The following FAM135B variants were observed in gnomAD, a reference collection of about 807,000 sequenced individuals.
FAM135B encodes family with sequence similarity 135 member B, also known as protein FAM135B.
In FAM135B, 43 loss-of-function variants were observed where a neutral mutation model predicts 127.7. The ratio of observed to expected loss-of-function variants is 0.34; its 90% CI spans 0.26 to 0.43. The LOEUF is 0.43. Among genes scored for constraint, FAM135B ranks in the 20% least tolerant of loss-of-function variants. The probability of loss-of-function intolerance (pLI) is 1.00; values close to 1 mark genes in which losing one functional copy is unlikely to be tolerated. For missense variants in FAM135B, 1,558 were observed against 1,725.6 expected, an observed-to-expected ratio of 0.90 and a Z score of 1.72; for synonymous variants, 670 against 665.1, an observed-to-expected ratio of 1.01 and a Z score of -0.11.
chr8:138,402,780 T>A (rs1833223957), intron 1 of FAM135B, among the ~76,000 whole-genome samples: 1 of 152,184 alleles, frequency 6.6e-6, no homozygotes. Flanking sequence ...AATTAGAATT[T>A]GTGAGGAAAT....
chr8:138,345,052 G>A (rs1182121510), intron 2 of FAM135B, among the ~76,000 whole-genome samples: 1 of 152,218 alleles, frequency 6.6e-6, no homozygotes, highest in Non-Finnish European at 1.5e-5. Context: ...ATCCAGCACT[G>A]TGTCAGCAAT....
At chr8:138,453,093 A>G (rs1421463221) in intron 1 of FAM135B, among the ~76,000 whole-genome samples, 1 of 152,182 alleles carries the variant, frequency 6.6e-6, no homozygotes, top group Non-Finnish European at 1.5e-5. Flanking sequence ...GCATCTCAGC[A>G]GCCGGACAGC....
At chr8:138,330,014 C>A (rs572524708) in intron 2 of FAM135B, among the ~76,000 whole-genome samples, 22 of 152,202 alleles carry the variant, frequency 1.4e-4, no homozygotes, top group African/African-American at 4.8e-4. Flanking sequence ...TCTGGGCATG[C>A]TCTCAACCAG....
chr8:138,468,409 C>T (rs1837489176), intron 1 of FAM135B, among the ~76,000 whole-genome samples: 1 of 152,180 alleles, frequency 6.6e-6, no homozygotes. Context: ...GCATATTTCA[C>T]TAATACGAAA....
At position 138,242,485 on chromosome 8, in the gene FAM135B, T is replaced by G. The variant is rs1490387094; in HGVS notation, c.669+457A>C. Reference sequence around the variant, plus strand: ...ACCGGGCTAGGAACTTTACATTTATTACAACATTTGGGTACATATAACACT... The same window carrying G: ...ACCGGGCTAGGAACTTTACATTTATGACAACATTTGGGTACATATAACACT... On this transcript the variant is annotated intron_variant, in intron 7 of 19. Transcript: ENST00000395297. The surrounding 1 kb of genome is among the most constrained non-coding windows in gnomAD (Gnocchi z 9.6). 6.6e-6 allele frequency among the ~76,000 whole-genome samples: 1 copy of G among 152,086 alleles called. No individual in the cohort carries two copies. Among genetic ancestry groups the G allele is most frequent in the Non-Finnish European group, 1.5e-5 (1 of 68,020 alleles).
intron 4 of FAM135B, 46 bp from the exon 5 acceptor site, chr8:138,256,805 T>G (rs780255425): frequency 6.7e-7 from 1 of 1,492,112 alleles, no homozygotes; most frequent in African/African-American, 1.4e-5. Context: ...TCAAATCTTG[T>G]CCAAATGAAA....
chr8:138,426,837 G>T (rs1834917128), intron 1 of FAM135B, among the ~76,000 whole-genome samples: 1 of 151,866 alleles, frequency 6.6e-6, no homozygotes, highest in Non-Finnish European at 1.5e-5. Flanking sequence ...ACATGGCACT[G>T]AATTTTGAGA....
chr8:138,422,315 A>C (rs1474312705), intron 1 of FAM135B, among the ~76,000 whole-genome samples: 1 of 152,202 alleles, frequency 6.6e-6, no homozygotes, highest in Non-Finnish European at 1.5e-5. Flanking sequence ...AAAGGAAATT[A>C]TTAATAGATT....
chr8:138,348,125 C>CTTTT (rs1829534421), intron 2 of FAM135B, among the ~76,000 whole-genome samples: 1 of 69,068 alleles, frequency 1.4e-5, no homozygotes, highest in African/African-American at 5.9e-5. Flanking sequence ...CTTTTTCCTC[C>CTTTT]TCTTTTTTTT....
chr8:138,265,222 A>G (rs1026226959), intron 4 of FAM135B, among the ~76,000 whole-genome samples: 4 of 152,096 alleles, frequency 2.6e-5, no homozygotes, highest in Non-Finnish European at 4.4e-5. Flanking sequence ...TGTCATCTCC[A>G]CAGAGATCAT....
At chr8:138,176,303 A>C (rs1814457201) in intron 11 of FAM135B, among the ~76,000 whole-genome samples, 1 of 152,234 alleles carries the variant, frequency 6.6e-6, no homozygotes, top group Non-Finnish European at 1.5e-5. Context: ...TCTGGAAAGA[A>C]GATTTCCTGC....
intron 7 of FAM135B, among the ~76,000 whole-genome samples, chr8:138,238,560 C>T (rs1039912496): frequency 1.3e-5 from 2 of 152,184 alleles, no homozygotes; most frequent in African/African-American, 4.8e-5. Flanking sequence ...GCAACCCTTA[C>T]CTCCCTGTGA....
intron 9 of FAM135B, among the ~76,000 whole-genome samples, chr8:138,191,209 C>T (rs80332481): frequency 0.033 from 5,031 of 152,294 alleles, 152 homozygotes; most frequent in East Asian, 0.14. Flanking sequence ...ACCTGTGACC[C>T]CACTTCATTC....
At chr8:138,256,265 C>T (rs1010685692) in intron 5 of FAM135B, among the ~76,000 whole-genome samples, 1 of 152,060 alleles carries the variant, frequency 6.6e-6, no homozygotes, top group African/African-American at 2.4e-5. Flanking sequence ...TTTCAAGTTT[C>T]AGAGTTGAAA....
At chr8:138,303,729 G>C (rs1481798693) in intron 3 of FAM135B, among the ~76,000 whole-genome samples, 1 of 152,208 alleles carries the variant, frequency 6.6e-6, no homozygotes, top group Non-Finnish European at 1.5e-5. Context: ...GTGGTGTCCT[G>C]GTGCGTGCAC....
At chr8:138,148,235 C>A (rs1217681464) in intron 14 of FAM135B, among the ~76,000 whole-genome samples, 1 of 152,146 alleles carries the variant, frequency 6.6e-6, no homozygotes, top group Non-Finnish European at 1.5e-5. Flanking sequence ...TCATTGTATT[C>A]ATCATTTATT....
intron 1 of FAM135B, among the ~76,000 whole-genome samples, chr8:138,474,858 C>T (rs1814312983): frequency 6.6e-6 from 1 of 152,184 alleles, no homozygotes; most frequent in African/African-American, 2.4e-5. Context: ...TGAACAGCAA[C>T]CATCCCAGAG....
At position 138,425,846 on chromosome 8, in the gene FAM135B, G is replaced by A. The variant is rs555048506; in HGVS notation, c.-19-57844C>T. 2.6e-5 allele frequency among the ~76,000 whole-genome samples: 4 copies of A among 151,692 alleles called. No homozygotes were observed. The South Asian group carries it at 8.4e-4, about 32-fold the overall frequency. ...ACCAGCAAAAAGTTCACAGGAACTG[G>A]AGAATATAAATATACTATGGGGTCT... On this transcript the variant is annotated intron_variant, in intron 1 of 19. Transcript: ENST00000395297.
At chr8:138,246,862 C>T (rs763646639) in intron 6 of FAM135B, among the ~76,000 whole-genome samples, 52 of 152,336 alleles carry the variant, frequency 3.4e-4, no homozygotes, top group Non-Finnish European at 6.2e-4. Context: ...TCAAGGGGCA[C>T]AGCTACCCAA....
Sources: gnomAD v4.1 joint callset for allele counts (sites outside exome capture counted in the v4.1 genomes callset) on GRCh38, gnomAD v4.1.1 for gene constraint, Gnocchi (gnomAD v3.1) non-coding constraint, MANE v1.5 for transcripts, NCBI Gene and HGNC (gene_info 2026-07-23, HGNC 2026-07-21) for gene names.